Variants in CSMD2 observed in about 807,000 individuals in gnomAD.
CSMD2 encodes the protein CUB and Sushi multiple domains 2.
Under a neutral mutation model 398.5 loss-of-function variants are expected in CSMD2, and 130 were observed. The observed-to-expected ratio is 0.33, with a 90% CI of 0.28 to 0.38. The LOEUF (loss-of-function observed/expected upper bound fraction) is 0.38. CSMD2 is among the 10% of genes least tolerant of loss of function. The pLI, the probability that CSMD2 is intolerant of heterozygous loss-of-function variation, is 1.00. For synonymous variants in CSMD2, 1,828 were observed against 1,908.5 expected, an observed-to-expected ratio of 0.96 and a Z score of 1.10; for missense variants, 3,829 against 4,764.9, an observed-to-expected ratio of 0.80 and a Z score of 5.78.
intron 2 of CSMD2, among the ~76,000 whole-genome samples, chr1:34,056,938 T>C (rs189812995): frequency 6.6e-6 from 1 of 152,290 alleles, no homozygotes; most frequent in Non-Finnish European, 1.5e-5. Context: ...GAGCATAGAA[T>C]ACGCAACTCA....
chr1:34,134,559 A>G (rs868290549), intron 1 of CSMD2, among the ~76,000 whole-genome samples: 1 of 152,228 alleles, frequency 6.6e-6, no homozygotes, highest in African/African-American at 2.4e-5. Flanking sequence ...CCAGAAGCCA[A>G]AACACTGACA....
intron 24 of CSMD2, among the ~76,000 whole-genome samples, chr1:33,697,341 G>A (rs527858165): frequency 6.6e-6 from 1 of 152,196 alleles, no homozygotes; most frequent in East Asian, 1.9e-4. Context: ...CATGAATGAG[G>A]GGAGATATAA....
At chr1:34,142,531 G>GAGAAAACGA (rs1639397849) in intron 1 of CSMD2, among the ~76,000 whole-genome samples, 1 of 152,210 alleles carries the variant, frequency 6.6e-6, no homozygotes, top group Non-Finnish European at 1.5e-5. Context: ...TTATAGAGAT[G>GAGAAAACGA]AGAAAACGAA....
intron 5 of CSMD2, among the ~76,000 whole-genome samples, chr1:33,910,947 G>A (rs1643415915): frequency 6.6e-6 from 1 of 152,194 alleles, no homozygotes; most frequent in South Asian, 2.1e-4. Flanking sequence ...AAGAATCCTG[G>A]CTATTACATT....
chr1:33,860,668 G>T (rs1403774299), intron 5 of CSMD2: 1 of 152,168 alleles, frequency 6.6e-6, no homozygotes, highest in Non-Finnish European at 1.5e-5. Flanking sequence ...AGATATGGTT[G>T]TAATGAGCTA....
At position 33,623,521 on chromosome 1, in the gene CSMD2, T is replaced by C. The variant is rs747810037; in HGVS notation, c.5626-55A>G. ...TAGGCAGCCTGCGTCCCTCCCTCCT[T>C]CTCTGCTTTCCCTTTCTGCCCTTCC... On this transcript the variant is annotated intron_variant, in intron 35 of 70. Coordinates refer to ENST00000373381, the MANE Select transcript of CSMD2 (RefSeq NM_001281956.2). 1.6e-4 allele frequency: 200 copies of C among 1,265,632 alleles called. 1 individual carries two copies. Among genetic ancestry groups the C allele is most frequent in the South Asian group, 4.8e-4 (40 of 83,440 alleles). The allele number at this position is 1,265,632 out of a possible 1,614,324, so 78.4% of individuals were successfully genotyped here. A position where few individuals can be genotyped will look rare whatever the true frequency, so the allele number is the denominator to read the frequency against.
chr1:33,755,424 G>C (rs1648847079), intron 13 of CSMD2, among the ~76,000 whole-genome samples: 1 of 152,180 alleles, frequency 6.6e-6, no homozygotes, highest in African/African-American at 2.4e-5. Flanking sequence ...TTACTGGGCA[G>C]GGCTTATCCT....
At chr1:33,978,527 G>T (rs1476207553) in intron 3 of CSMD2, among the ~76,000 whole-genome samples, 1 of 152,122 alleles carries the variant, frequency 6.6e-6, no homozygotes, top group Non-Finnish European at 1.5e-5. Flanking sequence ...AGACCTGCAG[G>T]GTCAGGGTCA....
At chr1:34,007,850 G>T (rs924990905) in intron 3 of CSMD2, among the ~76,000 whole-genome samples, 3 of 152,092 alleles carry the variant, frequency 2.0e-5, no homozygotes, top group Non-Finnish European at 4.4e-5. Context: ...GATAATAGTT[G>T]ATTTTAATTT....
At chr1:33,810,022 T>C (rs1393774682) in intron 10 of CSMD2, among the ~76,000 whole-genome samples, 2 of 152,028 alleles carry the variant, frequency 1.3e-5, no homozygotes, top group African/African-American at 2.4e-5. Context: ...CCTAAACAAA[T>C]AGAGAGATAT....
At chr1:33,941,243 T>C (rs1644662227) in intron 3 of CSMD2, among the ~76,000 whole-genome samples, 2 of 152,258 alleles carry the variant, frequency 1.3e-5, no homozygotes. Context: ...AGTGATTGCA[T>C]GACAATGAAT....
At chr1:34,132,114 A>T (rs1558436897) in intron 1 of CSMD2, among the ~76,000 whole-genome samples, 1 of 152,096 alleles carries the variant, frequency 6.6e-6, no homozygotes, top group African/African-American at 2.4e-5. Context: ...CTTGACCTGT[A>T]AGGAGGAAGA....
intron 5 of CSMD2, 128 bp from the exon 6 acceptor site, chr1:33,847,124 G>T: frequency 1.7e-6 from 1 of 587,696 alleles, no homozygotes; most frequent in South Asian, 2.2e-5. Context: ...AGGAAGGGAA[G>T]GCGGTGTTGC....
chr1:34,066,651 G>T (rs1002507767), intron 2 of CSMD2, among the ~76,000 whole-genome samples: 1 of 152,152 alleles, frequency 6.6e-6, no homozygotes, highest in African/African-American at 2.4e-5. Flanking sequence ...GAGGCAGGTG[G>T]AGTCTTGCCC....
Position 33,544,273 on chromosome 1 carries a change from ATT to A in CSMD2, c.9101-1379_9101-1378del, listed in dbSNP as rs34986232. On this transcript the variant is annotated intron_variant, in intron 57 of 70. Transcript: ENST00000373381. Reference sequence around the variant, plus strand: ...AGGCGCCTGCTACCACGACCGGCTAATTTTTTTTTTTTTTTTTGTATTTTTAG... The same window carrying A: ...AGGCGCCTGCTACCACGACCGGCTAATTTTTTTTTTTTTTTGTATTTTTAG... Among the ~76,000 whole-genome samples, 46 of 136,908 alleles carry A rather than the reference ATT, an allele frequency of 3.4e-4. 1 individual carries two copies. The highest frequency in any genetic ancestry group is 6.3e-4 in the East Asian group (3 of 4,752). 89.8% of individuals were successfully genotyped at this position (136,908 alleles called of 152,430 possible).
chr1:33,872,164 G>A (rs1279451376), intron 5 of CSMD2, among the ~76,000 whole-genome samples: 1 of 152,160 alleles, frequency 6.6e-6, no homozygotes, highest in East Asian at 1.9e-4. Context: ...GCAGTTACAT[G>A]GAAAGCAAAA....
intron 4 of CSMD2, among the ~76,000 whole-genome samples, chr1:33,925,297 G>C (rs1445307451): frequency 6.6e-6 from 1 of 152,108 alleles, no homozygotes; most frequent in Non-Finnish European, 1.5e-5. Context: ...CACTATTGAA[G>C]CAAGCGTCCT....
chr1:33,912,306 CCA>C (rs1301883866), intron 5 of CSMD2, among the ~76,000 whole-genome samples: 1 of 152,068 alleles, frequency 6.6e-6, no homozygotes, highest in Non-Finnish European at 1.5e-5. Flanking sequence ...CAAAACTAAC[CCA>C]CAGAGTCACA....
intron 6 of CSMD2, among the ~76,000 whole-genome samples, chr1:33,828,151 G>A (rs943827468): frequency 3.9e-5 from 6 of 152,192 alleles, no homozygotes; most frequent in Non-Finnish European, 1.5e-5. Flanking sequence ...CATTCAAACC[G>A]TTTTTATAAA....
Sources: allele counts gnomAD v4.1 joint callset (sites outside exome capture counted in the v4.1 genomes callset), GRCh38; gene constraint gnomAD v4.1.1; transcripts MANE v1.5; gene names NCBI Gene and HGNC (gene_info 2026-07-23, HGNC 2026-07-21).